The following ATP13A4 variants were observed in gnomAD, a reference collection of about 807,000 sequenced individuals.
ATP13A4 encodes the protein ATPase 13A4, also known as probable cation-transporting ATPase 13A4.
Under a neutral mutation model 142.5 loss-of-function variants are expected in ATP13A4, and 114 were observed. The ratio of observed to expected loss-of-function variants is 0.80; its 90% CI spans 0.69 to 0.93. The LOEUF is 0.93. Ranked by LOEUF, ATP13A4 falls within the 40% of genes least tolerant of loss-of-function variation. The pLI, the probability that ATP13A4 is intolerant of heterozygous loss-of-function variation, is 0.00. For synonymous variants in ATP13A4, 488 were observed against 514.8 expected (o/e 0.95, Z 0.70); for missense variants, 1,392 against 1,454.0 (o/e 0.96, Z 0.69).
intron 1 of ATP13A4, among the ~76,000 whole-genome samples, chr3:193,554,055 A>G (rs1448260496): frequency 6.6e-6 from 1 of 152,228 alleles, no homozygotes; most frequent in East Asian, 1.9e-4. Flanking sequence ...ATTGAGAAAT[A>G]CAGTTTTAAA....
chr3:193,499,630 C>T (rs1349895257), intron 3 of ATP13A4, among the ~76,000 whole-genome samples: 4 of 152,102 alleles, frequency 2.6e-5, no homozygotes, highest in East Asian at 3.9e-4. Flanking sequence ...CAAGCTAGTC[C>T]CAAAGGAAAA....
chr3:193,573,294 T>C lies in ATP13A4; in HGVS notation n.291+8413A>G, dbSNP rs1192237364. Among the ~76,000 whole-genome samples the C allele has an allele frequency of 5.6e-4, 50 of 88,514 alleles. 3 individuals are homozygous for C. The highest frequency in any genetic ancestry group is 1.9e-3 in the African/African-American group (37 of 19,882). 58.1% of individuals were successfully genotyped at this position (88,514 alleles called of 152,430 possible). On this transcript the variant is annotated intron_variant and non_coding_transcript_variant, in intron 2 of 3. Coordinates refer to the ATP13A4 transcript ENST00000489140. Reference sequence around the variant, plus strand: ...ATATATACATATATATATATACACATATATATATATATACATATATATATA... The same window carrying C: ...ATATATACATATATATATATACACACATATATATATATACATATATATATA...
intron 25 of ATP13A4, among the ~76,000 whole-genome samples, chr3:193,422,027 C>T (rs1251941111): frequency 3.3e-5 from 5 of 149,480 alleles, no homozygotes; most frequent in Non-Finnish European, 5.9e-5. Context: ...AAACAAGACT[C>T]ATCTACATAA....
At position 193,426,405 on chromosome 3, in the gene ATP13A4, G is replaced by A. The variant is rs111627632; in HGVS notation, c.2842+7440C>T. 6.7e-3 allele frequency among the ~76,000 whole-genome samples: 1,020 copies of A among 151,892 alleles called. 18 individuals are homozygous for A. Among genetic ancestry groups the A allele is most frequent in the African/African-American group, 0.023 (948 of 41,504 alleles). ...ATTAAAATCTCATATTAATGGATTGGAAGACTCAATATTATTAAGATGTTT... is the reference window on the plus strand; with the variant it reads ...ATTAAAATCTCATATTAATGGATTGAAAGACTCAATATTATTAAGATGTTT... On this transcript the variant is annotated intron_variant, in intron 25 of 29. Transcript: ENST00000342695.
chr3:193,561,618 GA>G (rs1290232416), intron 2 of ATP13A4, among the ~76,000 whole-genome samples: 1 of 152,142 alleles, frequency 6.6e-6, no homozygotes, highest in African/African-American at 2.4e-5. Context: ...ATGGAAAAAG[GA>G]AAGTAATAAG....
chr3:193,474,090 C>A (rs149388679), intron 8 of ATP13A4, among the ~76,000 whole-genome samples: 1 of 151,802 alleles, frequency 6.6e-6, no homozygotes, highest in East Asian at 1.9e-4. Flanking sequence ...GAGGACGAGG[C>A]GGGTGGATCA....
At chr3:193,423,269 A>C (rs1715490551) in intron 25 of ATP13A4, among the ~76,000 whole-genome samples, 1 of 149,670 alleles carries the variant, frequency 6.7e-6, no homozygotes, top group African/African-American at 2.5e-5. Flanking sequence ...TTCTCCACTG[A>C]ATTCTACCAA....
rs12107106 is a variant in ATP13A4 at position 193,491,231 on chromosome 3, G to A, written c.603+98C>T. The stretch of plus-strand genomic sequence containing the variant: ...CATACTTTCAAAATATACTCTATGT[G>A]AAGTTACTTATTAACAATTAGCACT... On this transcript the variant is annotated intron_variant, in intron 6 of 29. Transcript: ENST00000342695. The A allele has an allele frequency of 3.3e-4, 296 of 895,908 alleles. No individual in the cohort carries two copies. In the African/African-American group the frequency reaches 4.1e-3, roughly 12 times the overall value. The allele number at this position is 895,908 out of a possible 1,614,324, so 55.5% of individuals were successfully genotyped here.
intron 1 of ATP13A4, among the ~76,000 whole-genome samples, chr3:193,552,034 C>T (rs984149941): frequency 7.2e-5 from 11 of 152,128 alleles, no homozygotes; most frequent in African/African-American, 9.7e-5. Context: ...AGTGCCATGG[C>T]GCGATCTTGG....
At chr3:193,544,720 A>G (rs1220176494) in intron 1 of ATP13A4, among the ~76,000 whole-genome samples, 1 of 152,226 alleles carries the variant, frequency 6.6e-6, no homozygotes, top group Non-Finnish European at 1.5e-5. Context: ...TTTGTTTCTC[A>G]CAAGTTCAAA....
chr3:193,464,724 A>G (rs1292430707), intron 12 of ATP13A4, among the ~76,000 whole-genome samples: 1 of 152,126 alleles, frequency 6.6e-6, no homozygotes, highest in Non-Finnish European at 1.5e-5. Context: ...GAAGGACCCA[A>G]AAAGATTCTC....
At chr3:193,566,709 C>G (rs1170676955) in intron 2 of ATP13A4, among the ~76,000 whole-genome samples, 1 of 152,166 alleles carries the variant, frequency 6.6e-6, no homozygotes, top group Non-Finnish European at 1.5e-5. Flanking sequence ...TTTGGAAGGT[C>G]TCTTGCTAAC....
At chr3:193,445,968 CAAAA>C (rs11310029) in intron 18 of ATP13A4, among the ~76,000 whole-genome samples, 2 of 145,604 alleles carry the variant, frequency 1.4e-5, no homozygotes, top group African/African-American at 2.5e-5. Context: ...AAACTGGGTG[CAAAA>C]AAAAAAAAAG....
chr3:193,528,777 TCAC>T (rs1050385451), intron 1 of ATP13A4, among the ~76,000 whole-genome samples: 4 of 152,174 alleles, frequency 2.6e-5, no homozygotes, highest in East Asian at 1.9e-4. Flanking sequence ...CACCCAGAGA[TCAC>T]CACAATTAAC....
chr3:193,531,579 C>T (rs1390008324), intron 1 of ATP13A4, among the ~76,000 whole-genome samples: 1 of 152,182 alleles, frequency 6.6e-6, no homozygotes, highest in African/African-American at 2.4e-5. Context: ...GCTGCATCTA[C>T]TTTGTATCTC....
At chr3:193,543,307 C>A (rs1471153053) in intron 1 of ATP13A4, among the ~76,000 whole-genome samples, 3 of 152,162 alleles carry the variant, frequency 2.0e-5, no homozygotes, top group Non-Finnish European at 4.4e-5. Flanking sequence ...AGCTAAAGAG[C>A]TTCTGCACAA....
At chr3:193,529,764 G>C (rs1722216849) in intron 1 of ATP13A4, among the ~76,000 whole-genome samples, 1 of 152,076 alleles carries the variant, frequency 6.6e-6, no homozygotes, top group South Asian at 2.1e-4. Context: ...TTTATAAGGA[G>C]CCTTATTTTT....
At chr3:193,588,989 A>G (rs961094069) in intron 1 of ATP13A4, among the ~76,000 whole-genome samples, 2 of 151,940 alleles carry the variant, frequency 1.3e-5, no homozygotes, top group African/African-American at 4.8e-5. Context: ...AAATACAAAA[A>G]CTTAGCCAGG....
At chr3:193,426,689 C>T (rs1417875125) in intron 25 of ATP13A4, among the ~76,000 whole-genome samples, 1 of 151,840 alleles carries the variant, frequency 6.6e-6, no homozygotes, top group Admixed American at 6.6e-5. Flanking sequence ...CAGCAATAAG[C>T]CCATACATCT....
Sources: allele counts gnomAD v4.1 joint callset (sites outside exome capture counted in the v4.1 genomes callset), GRCh38; gene constraint gnomAD v4.1.1; transcripts MANE v1.5; gene names NCBI Gene and HGNC (gene_info 2026-07-23, HGNC 2026-07-21).